GALNT8: variants seen among roughly 807,000 people sequenced by gnomAD.
GALNT8 encodes polypeptide N-acetylgalactosaminyltransferase 8, also known as probable polypeptide N-acetylgalactosaminyltransferase 8.
A neutral mutation model predicts 62.7 loss-of-function variants in GALNT8; 66 were observed. The observed-to-expected ratio is 1.05, with a 90% CI of 0.86 to 1.29. The LOEUF is 1.29. Ranked by LOEUF, GALNT8 falls within the 50% of genes most tolerant of loss-of-function variation. The pLI, the probability that GALNT8 is intolerant of heterozygous loss-of-function variation, is 0.00. For synonymous variants in GALNT8, 288 were observed against 294.3 expected, an observed-to-expected ratio of 0.98 and a Z score of 0.22; for missense variants, 771 against 791.8, an observed-to-expected ratio of 0.97 and a Z score of 0.32.
intron 8 of GALNT8, among the ~76,000 whole-genome samples, 167 bp downstream of exon 8, chr12:4,763,557 C>A (rs1392880874): frequency 6.6e-6 from 1 of 152,204 alleles, no homozygotes; most frequent in Admixed American, 6.5e-5. Flanking sequence ...CCTTGCTCCC[C>A]GATCCCCATC....
At chr12:4,735,648 C>T (rs997476083) in intron 2 of GALNT8, among the ~76,000 whole-genome samples, 2 of 152,186 alleles carry the variant, frequency 1.3e-5, no homozygotes, top group Non-Finnish European at 2.9e-5. Flanking sequence ...CCCAAGAACA[C>T]GGGGCTCCAG....
At chr12:4,739,474 G>T (rs1397681870) in intron 3 of GALNT8, 145 bp downstream of exon 3, 9 of 621,510 alleles carry the variant, frequency 1.4e-5, no homozygotes, top group African/African-American at 1.8e-5. Flanking sequence ...GGGTCTATTT[G>T]TGCTAGCCAC....
intron 9 of GALNT8, among the ~76,000 whole-genome samples, chr12:4,764,530 ATTTTTTTTTTTTT>A (rs58809573): frequency 7.9e-4 from 81 of 102,254 alleles, no homozygotes; most frequent in Middle Eastern, 5.7e-3. Context: ...CAGTCAGGGG[ATTTTTTTTTTTTT>A]TTTTTTTTTT....
At chr12:4,753,723 T>C (rs1157837562) in intron 6 of GALNT8, among the ~76,000 whole-genome samples, 1 of 152,234 alleles carries the variant, frequency 6.6e-6, no homozygotes, top group Non-Finnish European at 1.5e-5. Flanking sequence ...TTGATACTTG[T>C]AAATGTTCTT....
chr12:4,771,487 T>C (rs1057438641), intron 10 of GALNT8, among the ~76,000 whole-genome samples: 7 of 151,602 alleles, frequency 4.6e-5, no homozygotes, highest in African/African-American at 1.7e-4. Flanking sequence ...AGGGAGGTGA[T>C]GGTGAGAGAG....
intron 1 of GALNT8, among the ~76,000 whole-genome samples, chr12:4,724,510 C>T (rs1020487389): frequency 1.3e-5 from 2 of 152,214 alleles, no homozygotes; most frequent in Non-Finnish European, 2.9e-5. Context: ...GATATCCCCC[C>T]AAGGAAGAAC....
chr12:4,760,717 G>A (rs1946367542), intron 6 of GALNT8, among the ~76,000 whole-genome samples: 1 of 152,160 alleles, frequency 6.6e-6, no homozygotes, highest in Non-Finnish European at 1.5e-5. Context: ...CCATGTAGGA[G>A]GACTTCCTGA....
At chr12:4,738,193 A>G (rs1946254550) in intron 2 of GALNT8, among the ~76,000 whole-genome samples, 1 of 152,228 alleles carries the variant, frequency 6.6e-6, no homozygotes, top group Non-Finnish European at 1.5e-5. Context: ...CTCTTCAACA[A>G]ATGGGTGCTG....
At chr12:4,752,497 C>G (rs1946326443) in intron 6 of GALNT8, among the ~76,000 whole-genome samples, 1 of 148,270 alleles carries the variant, frequency 6.7e-6, no homozygotes, top group South Asian at 2.1e-4. Flanking sequence ...ATGATGATGG[C>G]TTAACACTAT....
At chr12:4,760,097 C>T (rs1013373027) in intron 6 of GALNT8, among the ~76,000 whole-genome samples, 16 of 152,174 alleles carry the variant, frequency 1.1e-4, no homozygotes, top group African/African-American at 2.9e-4. Flanking sequence ...ACAGTTTCTG[C>T]GGGTCAGAGG....
chr12:4,729,329 A>G (rs1024883174), intron 2 of GALNT8, among the ~76,000 whole-genome samples: 1 of 152,190 alleles, frequency 6.6e-6, no homozygotes, highest in African/African-American at 2.4e-5. Context: ...ACATATTGCT[A>G]TTGACAATAG....
intron 7 of GALNT8, 108 bp from the exon 8 acceptor site, chr12:4,763,145 C>A (rs1172413512): frequency 3.4e-6 from 3 of 877,202 alleles, no homozygotes; most frequent in Non-Finnish European, 5.5e-6. Flanking sequence ...AGTCCGTCCA[C>A]AAGGACTCAC....
At chr12:4,734,538 G>A (rs1215826552) in intron 2 of GALNT8, among the ~76,000 whole-genome samples, 1 of 152,080 alleles carries the variant, frequency 6.6e-6, no homozygotes, top group Admixed American at 6.5e-5. Flanking sequence ...CAGATTGAAA[G>A]TATCTTCCTT....
At chr12:4,772,352 T>C (rs1946428578) in intron 10 of GALNT8, 93 bp from the exon 11 acceptor site, 1 of 1,130,182 alleles carries the variant, frequency 8.8e-7, no homozygotes, top group African/African-American at 1.5e-5. Flanking sequence ...CCCTCAAGAA[T>C]GTGGCTGAGC....
intron 10 of GALNT8, among the ~76,000 whole-genome samples, chr12:4,770,052 A>C (rs1268370583): frequency 1.1e-4 from 16 of 152,166 alleles, no homozygotes. Context: ...TAACCCCAGC[A>C]CTTTGGGAGG....
At chr12:4,756,401 G>A (rs1375233035) in intron 6 of GALNT8, among the ~76,000 whole-genome samples, 2 of 152,210 alleles carry the variant, frequency 1.3e-5, no homozygotes, top group African/African-American at 4.8e-5. Context: ...CATACCTGCT[G>A]CATTAAGCAC....
At chr12:4,753,955 G>A (rs1288593529) in intron 6 of GALNT8, among the ~76,000 whole-genome samples, 1 of 152,170 alleles carries the variant, frequency 6.6e-6, no homozygotes, top group Non-Finnish European at 1.5e-5. Flanking sequence ...CACCTTGATG[G>A]TCTTGGATAA....
At chr12:4,743,809 T>C (rs746255509) in intron 3 of GALNT8, among the ~76,000 whole-genome samples, 3 of 152,182 alleles carry the variant, frequency 2.0e-5, no homozygotes, top group Non-Finnish European at 4.4e-5. Flanking sequence ...AGTCATTTGG[T>C]TAGATATTTT....
chr12:4,745,769 G>T, intron 5 of GALNT8, 143 bp downstream of exon 5: 1 of 653,798 alleles, frequency 1.5e-6, no homozygotes. Context: ...AGGGATAGAG[G>T]GAAAAAACCC....
Sources: allele counts gnomAD v4.1 joint callset (sites outside exome capture counted in the v4.1 genomes callset), GRCh38; gene constraint gnomAD v4.1.1; transcripts MANE v1.5; gene names NCBI Gene and HGNC (gene_info 2026-07-23, HGNC 2026-07-21).